Variants in STAC observed in about 807,000 individuals in gnomAD.
STAC encodes SH3 and cysteine rich domain, also known as SH3 and cysteine-rich domain-containing protein.
Under a neutral mutation model 48.8 loss-of-function variants are expected in STAC, and 43 were observed. The ratio of observed to expected loss-of-function variants is 0.88; its 90% CI spans 0.69 to 1.14. The LOEUF (loss-of-function observed/expected upper bound fraction) is 1.14. Ranked by LOEUF, STAC falls within the 50% of genes most tolerant of loss-of-function variation. STAC has a pLI of 0.00. For missense variants in STAC, 497 were observed against 504.0 expected (o/e 0.99, Z 0.13); for synonymous variants, 193 against 179.5 (o/e 1.07, Z -0.60).
In STAC at chr3:36,453,496, G is replaced by A. The variant is rs527985155; in HGVS notation, c.388+9856G>A. 3.7e-3 allele frequency among the ~76,000 whole-genome samples: 566 copies of A among 152,322 alleles called. 4 individuals carry two copies. The highest frequency in any genetic ancestry group is 0.012 in the African/African-American group (504 of 41,574). On this transcript the variant is annotated intron_variant, in intron 2 of 10. Transcript: ENST00000273183. ...GAGGGTCTTAGCACCTGGGCCAGCA[G>A]CTGCTGTGCTCAATTTCTCGCGGGG...
At chr3:36,454,675 C>T (rs556092813) in intron 2 of STAC, among the ~76,000 whole-genome samples, 1 of 152,120 alleles carries the variant, frequency 6.6e-6, no homozygotes, top group Non-Finnish European at 1.5e-5. Context: ...CATATGCATA[C>T]AACTTTCCAG....
At chr3:36,472,730 A>C (rs957532259) in intron 2 of STAC, among the ~76,000 whole-genome samples, 1 of 152,186 alleles carries the variant, frequency 6.6e-6, no homozygotes, top group Non-Finnish European at 1.5e-5. Flanking sequence ...CAAGTTCCTC[A>C]TCTCCACCTG....
rs181775833 is a variant in STAC, at chr3:36,480,819, A to G, written c.389-2173A>G. On this transcript the variant is annotated intron_variant, in intron 2 of 10. Transcript: ENST00000273183. ...CCACCACTGCTTCAGTTCATGAGTG[A>G]CCATGAAAAATGTTTTCATCAGGCA... is the stretch of plus-strand genomic sequence containing the variant. Among the ~76,000 whole-genome samples the G allele has an allele frequency of 3.3e-3, 496 of 151,704 alleles. 2 individuals are homozygous for G. The highest frequency in any genetic ancestry group is 0.024 in the Middle Eastern group (7 of 294).
chr3:36,384,992 A>G (rs1699586771), intron 1 of STAC, among the ~76,000 whole-genome samples: 1 of 152,196 alleles, frequency 6.6e-6, no homozygotes. Flanking sequence ...TATTCAGGGA[A>G]GAAGATGAAA....
chr3:36,506,668 G>T (rs1309203656), intron 8 of STAC, among the ~76,000 whole-genome samples: 1 of 152,026 alleles, frequency 6.6e-6, no homozygotes, highest in East Asian at 1.9e-4. Flanking sequence ...GGATTCCTAG[G>T]TATTTTATTC....
chr3:36,459,793 G>A (rs13060288), intron 2 of STAC, among the ~76,000 whole-genome samples: 2 of 152,188 alleles, frequency 1.3e-5, no homozygotes, highest in South Asian at 4.2e-4. Context: ...TGATGAAAGA[G>A]GGGGAGAATA....
At chr3:36,464,131 A>G (rs1395866515) in intron 2 of STAC, among the ~76,000 whole-genome samples, 1 of 152,216 alleles carries the variant, frequency 6.6e-6, no homozygotes, top group African/African-American at 2.4e-5. Context: ...TTACAGTCCC[A>G]CCAACAGTGT....
chr3:36,507,088 T>G (rs1436169406), intron 8 of STAC, among the ~76,000 whole-genome samples: 1 of 149,916 alleles, frequency 6.7e-6, no homozygotes, highest in Non-Finnish European at 1.5e-5. Flanking sequence ...TATTATTTTG[T>G]CCTTCCATCA....
rs765615384 is a variant in STAC at position 36,498,036 on chromosome 3, CAT to C, written c.766+4808_766+4809del. Among the ~76,000 whole-genome samples the C allele has an allele frequency of 1.6e-3, 236 of 152,198 alleles. 1 individual carries two copies. The highest frequency in any genetic ancestry group is 6.8e-3 in the Middle Eastern group (2 of 294). On this transcript the variant is annotated intron_variant, in intron 6 of 10. Transcript: ENST00000273183. ...GCTAACAATCAAAATTCACCAAACA[CAT>C]GAGAAAATGAGCCGTGATGAGTAAG... is the stretch of plus-strand genomic sequence containing the variant.
intron 8 of STAC, among the ~76,000 whole-genome samples, chr3:36,511,079 A>C (rs980351672): frequency 2.0e-5 from 3 of 152,058 alleles, no homozygotes; most frequent in Admixed American, 6.6e-5. Flanking sequence ...ACTAGATAGA[A>C]TAGGTGAGCC....
intron 1 of STAC, among the ~76,000 whole-genome samples, chr3:36,389,937 T>G (rs1699712695): frequency 6.6e-6 from 1 of 151,386 alleles, no homozygotes; most frequent in African/African-American, 2.4e-5. Flanking sequence ...GAAATAATAA[T>G]TTTGCCTCTG....
At chr3:36,415,507 T>C (rs758699110) in intron 1 of STAC, among the ~76,000 whole-genome samples, 3 of 152,216 alleles carry the variant, frequency 2.0e-5, no homozygotes, top group African/African-American at 7.2e-5. Flanking sequence ...AGCACAGTAT[T>C]GGGGTGGGAG....
chr3:36,535,496 T>C (rs916184488), intron 10 of STAC, among the ~76,000 whole-genome samples: 1 of 152,192 alleles, frequency 6.6e-6, no homozygotes, highest in Non-Finnish European at 1.5e-5. Flanking sequence ...GGCCAGAACT[T>C]CTAATACTAT....
At chr3:36,431,536 G>A (rs9809241) in intron 1 of STAC, among the ~76,000 whole-genome samples, 1,931 of 152,262 alleles carry the variant, frequency 0.013, 44 homozygotes, top group African/African-American at 0.044. Flanking sequence ...TCTGAGGAGC[G>A]TGCTCTGAAA....
At chr3:36,413,505 T>C (rs1162312667) in intron 1 of STAC, among the ~76,000 whole-genome samples, 5 of 152,218 alleles carry the variant, frequency 3.3e-5, no homozygotes, top group Admixed American at 2.6e-4. Context: ...ACCCCTGCTT[T>C]TTTTTGTTTT....
chr3:36,500,707 T>G (rs918878177), intron 6 of STAC, among the ~76,000 whole-genome samples: 5 of 152,214 alleles, frequency 3.3e-5, no homozygotes, highest in Non-Finnish European at 1.5e-5. Context: ...AGAATACATC[T>G]TTCTGACCAC....
chr3:36,540,657 A>G (rs1699303001), intron 10 of STAC, among the ~76,000 whole-genome samples: 1 of 152,190 alleles, frequency 6.6e-6, no homozygotes, highest in Non-Finnish European at 1.5e-5. Context: ...GGAAACAGGC[A>G]TCTCAGTCCT....
rs115472732 is a variant in STAC at position 36,495,968 on chromosome 3, G to A, written c.766+2739G>A. Among the ~76,000 whole-genome samples the A allele has an allele frequency of 3.1e-3, 465 of 152,246 alleles. 2 individuals carry two copies. Among genetic ancestry groups the A allele is most frequent in the Middle Eastern group, 6.8e-3 (2 of 294 alleles). ...TTAAAGTTTAAGAAGTAGGACTAGA[G>A]GTCACTTAGTCCAATTCCCTCCCCT... On this transcript the variant is annotated intron_variant, in intron 6 of 10. Transcript: ENST00000273183.
intron 2 of STAC, among the ~76,000 whole-genome samples, chr3:36,455,248 G>T (rs1696819091): frequency 6.6e-6 from 1 of 152,212 alleles, no homozygotes; most frequent in African/African-American, 2.4e-5. Context: ...CATCCAGGAA[G>T]AAATAGAAAT....
Sources: gnomAD v4.1 joint callset for allele counts (sites outside exome capture counted in the v4.1 genomes callset) on GRCh38, gnomAD v4.1.1 for gene constraint, MANE v1.5 for transcripts, NCBI Gene and HGNC (gene_info 2026-07-23, HGNC 2026-07-21) for gene names.